The following SAMD5 variants were observed in gnomAD, a reference collection of about 807,000 sequenced individuals.
SAMD5 encodes sterile alpha motif domain containing 5, also known as sterile alpha motif domain-containing protein 5.
A neutral mutation model predicts 11.3 loss-of-function variants in SAMD5; 13 were observed. The ratio of observed to expected loss-of-function variants is 1.15; its 90% CI spans 0.75 to 1.83. SAMD5 has a LOEUF of 1.83. Ranked by LOEUF, SAMD5 falls within the 40% of genes most tolerant of loss-of-function variation. SAMD5 has a pLI of 0.00. For synonymous variants in SAMD5, 129 were observed against 111.3 expected, an observed-to-expected ratio of 1.16 and a Z score of -1.00; for missense variants, 255 against 239.1, an observed-to-expected ratio of 1.07 and a Z score of -0.44.
chr6:147,559,303 C>A (rs1788909556), intron 1 of SAMD5, among the ~76,000 whole-genome samples: 1 of 152,160 alleles, frequency 6.6e-6, no homozygotes, highest in Admixed American at 6.5e-5. Context: ...ATTTGCATAG[C>A]TATGCAGTTG....
the SAMD5 span, among the ~76,000 whole-genome samples, chr6:147,915,365 G>A: frequency 2.6e-4 from 40 of 152,268 alleles, no homozygotes; most frequent in Non-Finnish European, 4.9e-4. Flanking sequence ...GGTGGACTTT[G>A]TTTTTGCCAT....
chr6:147,556,197 ATTCTC>A (rs1788852992), intron 1 of SAMD5, among the ~76,000 whole-genome samples: 1 of 151,338 alleles, frequency 6.6e-6, no homozygotes, highest in Non-Finnish European at 1.5e-5. Flanking sequence ...GGCTCATGCC[ATTCTC>A]CCGCCTCAGC....
At chr6:147,574,138 A>G (rs1789180457), downstream of SAMD5, among the ~76,000 whole-genome samples, 1 of 151,882 alleles carries the variant, frequency 6.6e-6, no homozygotes, top group Non-Finnish European at 1.5e-5. Flanking sequence ...AAAAAAAAAA[A>G]ACAAAAAACT....
the SAMD5 span, among the ~76,000 whole-genome samples, chr6:147,843,750 A>G: frequency 6.6e-6 from 1 of 152,216 alleles, no homozygotes; most frequent in African/African-American, 2.4e-5. Flanking sequence ...GGGAAATGAT[A>G]GTCTCTTTAA....
rs114383577 is a variant in SAMD5 at position 147,737,329 on chromosome 6, C to T, written c.175C>T (p.Arg59Cys). 2.1e-3 allele frequency: 2,560 copies of T among 1,247,454 alleles called. 42 individuals are homozygous for T. In the African/African-American group the frequency reaches 0.037, roughly 18 times the overall value. The allele number at this position is 1,247,454 out of a possible 1,614,324, so 77.3% of individuals were successfully genotyped here. A position where few individuals can be genotyped will look rare whatever the true frequency, so the allele number is the denominator to read the frequency against. Reference sequence around the variant, plus strand: ...TTTTATGCTCCAGGTATTATTATGCCGCTACCTTCAAGAAGTAATTTGCGT... The same window carrying T: ...TTTTATGCTCCAGGTATTATTATGCTGCTACCTTCAAGAAGTAATTTGCGT... The change falls in exon 2 of 2, where the codon CGC becomes TGC. Residue 59 changes from arginine (R) to cysteine (C), a missense_variant. By Grantham distance (180) the Arg-to-Cys change is radical. Transcript: ENST00000566741.
chr6:147,724,740 G>GA (rs928849841), intron 1 of SAMD5, among the ~76,000 whole-genome samples: 21 of 151,596 alleles, frequency 1.4e-4, no homozygotes, highest in African/African-American at 4.8e-4. Context: ...TTGCAGTGTT[G>GA]AAAAAAAATC....
intron 1 of SAMD5, among the ~76,000 whole-genome samples, chr6:147,660,450 T>C (rs968813323): frequency 6.6e-6 from 1 of 152,144 alleles, no homozygotes; most frequent in African/African-American, 2.4e-5. Flanking sequence ...AAAACAGACA[T>C]TTCCAGGGTT....
chr6:147,565,464 G>T lies in SAMD5; in HGVS notation c.*1008G>T, dbSNP rs1583086028. ...TCGTTCTTGTGTTTGGATGCTGGTAGTTTTTTTTTTTTTAGACAGAGTCTC... is the reference window on the plus strand; with the variant it reads ...TCGTTCTTGTGTTTGGATGCTGGTATTTTTTTTTTTTTTAGACAGAGTCTC... On this transcript the variant is annotated 3_prime_UTR_variant, in exon 2 of 2. Transcript: ENST00000367474. The T allele has an allele frequency of 1.1e-5, 10 of 888,770 alleles. No homozygotes were observed. Among genetic ancestry groups the T allele is most frequent in the Admixed American group, 6.4e-5 (1 of 15,592 alleles). 55.1% of individuals were successfully genotyped at this position (888,770 alleles called of 1,614,324 possible). A position where few individuals can be genotyped will look rare whatever the true frequency, so the allele number is the denominator to read the frequency against.
intron 1 of SAMD5, among the ~76,000 whole-genome samples, chr6:147,623,909 G>T (rs563296687): frequency 6.6e-6 from 1 of 151,378 alleles, no homozygotes; most frequent in South Asian, 2.1e-4. Context: ...TTGCTCTGTC[G>T]CCCAGGCTCG....
the SAMD5 span, among the ~76,000 whole-genome samples, chr6:147,917,917 C>A: frequency 1.3e-5 from 2 of 152,182 alleles, no homozygotes; most frequent in Middle Eastern, 3.4e-3. Flanking sequence ...ATTGGTCTAT[C>A]GCTCTGTTTG....
the SAMD5 span, among the ~76,000 whole-genome samples, chr6:147,875,199 A>G: frequency 6.6e-6 from 1 of 152,158 alleles, no homozygotes; most frequent in Admixed American, 6.5e-5. Flanking sequence ...TTTGGTTTAC[A>G]TTATATGCAC....
At chr6:147,605,920 T>C (rs886263548) in intron 1 of SAMD5, among the ~76,000 whole-genome samples, 3 of 152,026 alleles carry the variant, frequency 2.0e-5, no homozygotes, top group Non-Finnish European at 4.4e-5. Context: ...GGAGTGCTTA[T>C]CACAGAGAAG....
chr6:147,509,450 T>G, intron 1 of SAMD5, 63 bp downstream of exon 1: 1 of 1,431,588 alleles, frequency 7.0e-7, no homozygotes, highest in Non-Finnish European at 9.3e-7. Flanking sequence ...CCCAGCTGCC[T>G]GTGCCAAGGC....
intron 1 of SAMD5, among the ~76,000 whole-genome samples, chr6:147,557,268 A>T (rs896148026): frequency 6.6e-6 from 1 of 152,242 alleles, no homozygotes; most frequent in Non-Finnish European, 1.5e-5. Flanking sequence ...CAATGAAGGG[A>T]TTAAAAAACA....
In SAMD5 at chr6:147,569,997, A is replaced by C. The variant is rs1789112055; in HGVS notation, c.*5541A>C. 1 of 984,686 alleles carries C rather than the reference A, an allele frequency of 1.0e-6. No homozygotes were observed. The highest frequency in any genetic ancestry group is 4.7e-5 in the South Asian group (1 of 21,292). 61.0% of individuals were successfully genotyped at this position (984,686 alleles called of 1,614,324 possible). On this transcript the variant is annotated 3_prime_UTR_variant, in exon 2 of 2. Coordinates refer to ENST00000367474, the MANE Select transcript of SAMD5 (RefSeq NM_001030060.3). ...ATTTGCAAACATATGTCCGCTCTTC[A>C]ATAAATGTTACGGCTTTCACAGCGG...
At chr6:147,831,217 T>C in the SAMD5 span, among the ~76,000 whole-genome samples, 1 of 152,240 alleles carries the variant, frequency 6.6e-6, no homozygotes, top group Non-Finnish European at 1.5e-5. Flanking sequence ...ATATTTATTA[T>C]GGAATAAACC....
At chr6:147,904,613 A>G in the SAMD5 span, among the ~76,000 whole-genome samples, 1 of 152,184 alleles carries the variant, frequency 6.6e-6, no homozygotes, top group African/African-American at 2.4e-5. Context: ...CCTTTGTCAC[A>G]AAAGTCAGTG....
At chr6:147,722,169 C>A (rs1324187265) in intron 1 of SAMD5, among the ~76,000 whole-genome samples, 1 of 151,998 alleles carries the variant, frequency 6.6e-6, no homozygotes, top group African/African-American at 2.4e-5. Context: ...TAAATGACAG[C>A]AATCACAGTA....
intron 1 of SAMD5, among the ~76,000 whole-genome samples, chr6:147,727,016 A>C (rs1791638887): frequency 6.6e-6 from 1 of 152,184 alleles, no homozygotes; most frequent in African/African-American, 2.4e-5. Context: ...CATTTCTAAA[A>C]TTCAGAATGG....
Sources: allele counts gnomAD v4.1 joint callset (sites outside exome capture counted in the v4.1 genomes callset), GRCh38; gene constraint gnomAD v4.1.1; transcripts MANE v1.5; gene names NCBI Gene and HGNC (gene_info 2026-07-23, HGNC 2026-07-21).